Variants in NPAS3 observed in about 807,000 individuals in gnomAD.
NPAS3 encodes the protein neuronal PAS domain-containing protein 3.
Under a neutral mutation model 73.1 loss-of-function variants are expected in NPAS3, and 14 were observed. The observed-to-expected ratio is 0.19, with a 90% CI of 0.13 to 0.30. The LOEUF is 0.30. Among genes scored for constraint, NPAS3 ranks in the 10% least tolerant of loss-of-function variants. The pLI is 1.00. For missense variants in NPAS3, 1,096 were observed against 1,250.0 expected (o/e 0.88, Z 1.86); for synonymous variants, 620 against 541.5 (o/e 1.14, Z -2.01).
chr14:33,140,080 T>A (rs2043990326), intron 2 of NPAS3, among the ~76,000 whole-genome samples: 1 of 152,176 alleles, frequency 6.6e-6, no homozygotes. Context: ...TATTAAAACA[T>A]TTTTCGGTAG....
chr14:33,656,182 T>G (rs572765505), intron 5 of NPAS3, among the ~76,000 whole-genome samples: 55 of 152,276 alleles, frequency 3.6e-4, no homozygotes, highest in African/African-American at 1.3e-3. Flanking sequence ...GACTAGTAGT[T>G]TGGGGACTTT....
At chr14:33,398,217 A>G (rs2047304988) in intron 4 of NPAS3, among the ~76,000 whole-genome samples, 2 of 152,032 alleles carry the variant, frequency 1.3e-5, no homozygotes, top group Admixed American at 1.3e-4. Context: ...CCGAAGATTA[A>G]TAATATTAAA....
chr14:33,135,698 G>A (rs1044737763), intron 2 of NPAS3, among the ~76,000 whole-genome samples: 2 of 152,046 alleles, frequency 1.3e-5, no homozygotes. Context: ...TTTCCCTCTT[G>A]ACTCTTTTGG....
chr14:33,343,118 A>C (rs2044562978), intron 3 of NPAS3, among the ~76,000 whole-genome samples: 1 of 152,160 alleles, frequency 6.6e-6, no homozygotes, highest in Non-Finnish European at 1.5e-5. Context: ...GAAATTCCGC[A>C]AATAACATCT....
intron 4 of NPAS3, among the ~76,000 whole-genome samples, chr14:33,400,334 G>A (rs1055651403): frequency 2.6e-5 from 4 of 152,112 alleles, no homozygotes; most frequent in Non-Finnish European, 5.9e-5. Context: ...AATAGCAAGT[G>A]TTCACCTGCA....
intron 1 of NPAS3, among the ~76,000 whole-genome samples, chr14:33,046,804 C>T (rs913402912): frequency 2.0e-5 from 3 of 152,146 alleles, no homozygotes; most frequent in Admixed American, 1.3e-4. Context: ...GGTGAAACCC[C>T]GTCTCTACTA....
rs929782370 is a variant in NPAS3, at chr14:33,346,459, T to C, written c.386-20727T>C. Among the ~76,000 whole-genome samples the C allele has an allele frequency of 2.7e-5, 4 of 147,358 alleles. No individual in the cohort carries two copies. The East Asian group carries it at 8.4e-4, about 31-fold the overall frequency. On this transcript the variant is annotated intron_variant, in intron 3 of 11. Coordinates refer to ENST00000356141, the Ensembl canonical transcript of NPAS3. ...AGGAGGATCGCTTGAACCCAAGAGG[T>C]TGAGGCTGCTGTGAGCTTTGATTGT... is the stretch of plus-strand genomic sequence containing the variant.
chr14:33,698,428 G>C (rs972392115), intron 6 of NPAS3, among the ~76,000 whole-genome samples: 2 of 152,116 alleles, frequency 1.3e-5, no homozygotes, highest in Admixed American at 6.6e-5. Flanking sequence ...ATTTATCATA[G>C]CTTAACTTCT....
intron 4 of NPAS3, among the ~76,000 whole-genome samples, chr14:33,417,996 G>C (rs916329535): frequency 1.3e-5 from 2 of 151,872 alleles, no homozygotes; most frequent in African/African-American, 4.8e-5. Flanking sequence ...AGTGCTAAAA[G>C]TTTGTAAGGA....
chr14:33,766,596 A>G (rs528688093), intron 7 of NPAS3, among the ~76,000 whole-genome samples: 1 of 152,132 alleles, frequency 6.6e-6, no homozygotes, highest in East Asian at 1.9e-4. Flanking sequence ...AACCCTGACA[A>G]CCTAATTCCT....
At chr14:33,073,580 G>A (rs1396760950) in intron 2 of NPAS3, among the ~76,000 whole-genome samples, 1 of 152,168 alleles carries the variant, frequency 6.6e-6, no homozygotes, top group Non-Finnish European at 1.5e-5. Flanking sequence ...TTCTTGGAAA[G>A]TTGGAACTTA....
At chr14:33,113,733 C>A (rs545341956) in intron 2 of NPAS3, among the ~76,000 whole-genome samples, 3 of 152,146 alleles carry the variant, frequency 2.0e-5, no homozygotes, top group Non-Finnish European at 4.4e-5. Flanking sequence ...AGAGGGCATC[C>A]CTGTCTTGTG....
intron 5 of NPAS3, among the ~76,000 whole-genome samples, chr14:33,642,388 T>C: frequency 6.6e-6 from 1 of 152,168 alleles, no homozygotes; most frequent in Non-Finnish European, 1.5e-5. Context: ...CGGCAATAGA[T>C]AACTGATTTC....
At chr14:33,122,898 G>T (rs190031966) in intron 2 of NPAS3, among the ~76,000 whole-genome samples, 2 of 152,020 alleles carry the variant, frequency 1.3e-5, no homozygotes, top group Non-Finnish European at 2.9e-5. Context: ...TATTGTGGAC[G>T]TTTTGATTAT....
intron 6 of NPAS3, among the ~76,000 whole-genome samples, chr14:33,711,882 C>T (rs886440751): frequency 1.3e-5 from 2 of 152,050 alleles, no homozygotes; most frequent in African/African-American, 4.8e-5. Flanking sequence ...CCCAGTTCTG[C>T]ACGGCTGCTT....
chr14:33,694,434 A>AG (rs1052373193), intron 6 of NPAS3, among the ~76,000 whole-genome samples: 19 of 152,194 alleles, frequency 1.2e-4, no homozygotes, highest in African/African-American at 4.6e-4. Flanking sequence ...GACCTTAGGA[A>AG]GGAACCTGCG....
intron 1 of NPAS3, among the ~76,000 whole-genome samples, chr14:33,002,236 C>T (rs147982352): frequency 1.3e-5 from 2 of 152,304 alleles, no homozygotes; most frequent in African/African-American, 4.8e-5. Context: ...GGGACTATGT[C>T]ATATATCTCA....
intron 3 of NPAS3, among the ~76,000 whole-genome samples, chr14:33,324,344 C>A (rs189320787): frequency 6.6e-6 from 1 of 152,224 alleles, no homozygotes; most frequent in East Asian, 1.9e-4. Context: ...GACCTTCTTG[C>A]CAATTTCCCA....
chr14:33,708,587 T>C (rs72664533), intron 6 of NPAS3, among the ~76,000 whole-genome samples: 35,392 of 151,876 alleles, frequency 0.23, 4,628 homozygotes, highest in Admixed American at 0.4. Context: ...TTATTCAGAG[T>C]CTTAACGACC....
Sources: allele counts gnomAD v4.1 joint callset (sites outside exome capture counted in the v4.1 genomes callset), GRCh38; gene constraint gnomAD v4.1.1; transcripts MANE v1.5; gene names NCBI Gene and HGNC (gene_info 2026-07-23, HGNC 2026-07-21).